Variants in PPHLN1 observed in about 807,000 individuals in gnomAD.
PPHLN1 encodes periphilin-1.
PPHLN1 carries 29 observed loss-of-function variants against 51.3 expected under a neutral mutation model. The observed-to-expected ratio is 0.57, with a 90% CI of 0.42 to 0.77. The LOEUF (loss-of-function observed/expected upper bound fraction) is 0.77. Ranked by LOEUF, PPHLN1 falls within the 30% of genes least tolerant of loss-of-function variation. The pLI is 0.00. For missense variants in PPHLN1, 436 were observed against 438.4 expected (o/e 0.99, Z 0.05); for synonymous variants, 147 against 147.8 (o/e 0.99, Z 0.04).
intron 9 of PPHLN1, among the ~76,000 whole-genome samples, chr12:42,421,144 A>C (rs2080968330): frequency 6.6e-6 from 1 of 152,192 alleles, no homozygotes; most frequent in African/African-American, 2.4e-5. Flanking sequence ...GATAAATCAG[A>C]GATAATTAAA....
chr12:42,413,356 C>T (rs1235958178), intron 9 of PPHLN1, among the ~76,000 whole-genome samples: 1 of 152,090 alleles, frequency 6.6e-6, no homozygotes, highest in Non-Finnish European at 1.5e-5. Context: ...TTTCCAGCAC[C>T]ATTTATGCAT....
chr12:42,403,073 G>A (rs546823236), intron 9 of PPHLN1, among the ~76,000 whole-genome samples: 1 of 152,330 alleles, frequency 6.6e-6, no homozygotes, highest in South Asian at 2.1e-4. Flanking sequence ...GCATTCCAAT[G>A]AAATTGTTTT....
At chr12:42,368,412 G>T (rs530113195) in intron 4 of PPHLN1, among the ~76,000 whole-genome samples, 1 of 152,238 alleles carries the variant, frequency 6.6e-6, no homozygotes, top group East Asian at 1.9e-4. Context: ...GGTTAAAAAT[G>T]AGATAACTGA....
rs1566010166 is a variant in PPHLN1 at position 42,426,209 on chromosome 12, CA to C, written c.910-15105del. Among the ~76,000 whole-genome samples, 105 of 150,522 alleles carry C rather than the reference CA, an allele frequency of 7.0e-4. 1 individual carries two copies. Among genetic ancestry groups the C allele is most frequent in the African/African-American group, 1.9e-3 (78 of 40,832 alleles). On this transcript the variant is annotated intron_variant, in intron 9 of 9. Transcript: ENST00000358314. ...ACACACACACACACACACACACACA[CA>C]CACACACACACACACACACCCTCAT...
At chr12:42,348,276 A>ATTTTTTTTTTTTTTTTTTT (rs1213561958) in intron 2 of PPHLN1, among the ~76,000 whole-genome samples, 1 of 85,610 alleles carries the variant, frequency 1.2e-5, no homozygotes, top group African/African-American at 4.9e-5. Flanking sequence ...CACCTGGCTA[A>ATTTTTTTTTTTTTTTTTTT]TTTTTTTTTT....
At chr12:42,403,581 T>C (rs542240665) in intron 9 of PPHLN1, among the ~76,000 whole-genome samples, 3 of 152,318 alleles carry the variant, frequency 2.0e-5, no homozygotes, top group Non-Finnish European at 2.9e-5. Context: ...GTACCTGATA[T>C]CTCTTTAAGT....
intron 9 of PPHLN1, among the ~76,000 whole-genome samples, chr12:42,415,324 ACC>A (rs1186337439): frequency 6.6e-6 from 1 of 152,144 alleles, no homozygotes. Flanking sequence ...GGCGCATGCC[ACC>A]ACACCCAGCT....
At position 42,374,686 on chromosome 12, in the gene PPHLN1, C is replaced by T. The variant is rs769568458; in HGVS notation, c.300-177C>T. The T allele has an allele frequency of 1.1e-5, 5 of 471,410 alleles. No homozygotes were observed. The Admixed American group carries it at 1.5e-4, about 14-fold the overall frequency. The allele number at this position is 471,410 out of a possible 1,614,324, so 29.2% of individuals were successfully genotyped here. On this transcript the variant is annotated intron_variant, in intron 4 of 9. Coordinates refer to ENST00000358314, the MANE Select transcript of PPHLN1 (RefSeq NM_201439.2). ...AGCCAGGATGGTCTCCATCTCCTGA[C>T]CTCGTGATCTGCCCGTCTCGGCCTC... is the stretch of plus-strand genomic sequence containing the variant.
chr12:42,327,341 C>A (rs1050398095), intron 1 of PPHLN1, among the ~76,000 whole-genome samples: 1 of 152,184 alleles, frequency 6.6e-6, no homozygotes, highest in African/African-American at 2.4e-5. Flanking sequence ...CTATTGATAA[C>A]ACGTAGATTT....
At chr12:42,428,448 A>T (rs1047104629) in intron 9 of PPHLN1, among the ~76,000 whole-genome samples, 1 of 152,230 alleles carries the variant, frequency 6.6e-6, no homozygotes, top group Non-Finnish European at 1.5e-5. Context: ...GGAACAAATT[A>T]GTGGCATTTG....
chr12:42,419,151 A>G (rs1421563194), intron 9 of PPHLN1, among the ~76,000 whole-genome samples: 1 of 152,332 alleles, frequency 6.6e-6, no homozygotes, highest in African/African-American at 2.4e-5. Context: ...TCCTTCTGCC[A>G]CATTTCCCTG....
At chr12:42,384,822 G>A in intron 5 of PPHLN1, 118 bp from the exon 6 acceptor site, 2 of 912,594 alleles carry the variant, frequency 2.2e-6, no homozygotes, top group Non-Finnish European at 3.4e-6. Flanking sequence ...AGAGTTTAGG[G>A]CCACCAGAAA....
intron 6 of PPHLN1, chr12:42,387,186 A>C (rs946527406): frequency 4.2e-6 from 1 of 236,170 alleles, no homozygotes; most frequent in African/African-American, 2.3e-5. Context: ...CCTTTCTTGA[A>C]GTCTCTGTGG....
intron 2 of PPHLN1, among the ~76,000 whole-genome samples, chr12:42,341,231 G>A (rs991109045): frequency 1.3e-5 from 2 of 151,900 alleles, no homozygotes; most frequent in Admixed American, 1.3e-4. Context: ...GATCCGCCTC[G>A]GCCTCCCAAA....
At chr12:42,441,229 G>T in intron 9 of PPHLN1, 86 bp from the exon 10 acceptor site, 1 of 1,448,198 alleles carries the variant, frequency 6.9e-7, no homozygotes, top group Non-Finnish European at 9.2e-7. Context: ...TTAGATGTCA[G>T]CATCATAATT....
chr12:42,360,888 G>A (rs1266273441), intron 4 of PPHLN1, among the ~76,000 whole-genome samples: 3 of 152,146 alleles, frequency 2.0e-5, no homozygotes, highest in Non-Finnish European at 4.4e-5. Flanking sequence ...AGTCTGCAAA[G>A]TTTCTTTACT....
chr12:42,441,190 G>C, intron 9 of PPHLN1, 125 bp from the exon 10 acceptor site: 2 of 1,328,372 alleles, frequency 1.5e-6, no homozygotes, highest in Non-Finnish European at 2.0e-6. Flanking sequence ...GGGCGAGAAA[G>C]GTTCCGCTTT....
chr12:42,416,133 G>A (rs2080360401), intron 9 of PPHLN1, among the ~76,000 whole-genome samples: 1 of 152,138 alleles, frequency 6.6e-6, no homozygotes, highest in South Asian at 2.1e-4. Flanking sequence ...CGTTTAGTGT[G>A]GGTAAAATCA....
chr12:42,327,092 C>T (rs540742475), intron 1 of PPHLN1, among the ~76,000 whole-genome samples: 1 of 152,324 alleles, frequency 6.6e-6, no homozygotes, highest in South Asian at 2.1e-4. Flanking sequence ...CCATGCTTTA[C>T]ATCTCTGTTA....
Sources: gnomAD v4.1 joint callset for allele counts (sites outside exome capture counted in the v4.1 genomes callset) on GRCh38, gnomAD v4.1.1 for gene constraint, MANE v1.5 for transcripts, NCBI Gene and HGNC (gene_info 2026-07-23, HGNC 2026-07-21) for gene names.